AMZ1: variants seen among roughly 807,000 people sequenced by gnomAD.
AMZ1 encodes the protein archaelysin family metallopeptidase 1.
In AMZ1, 39 loss-of-function variants were observed where a neutral mutation model predicts 29.9. The observed-to-expected ratio is 1.30, with a 90% confidence interval of 1.01 to 1.70. AMZ1 has a LOEUF of 1.70. Ranked by LOEUF, AMZ1 falls within the 40% of genes most tolerant of loss-of-function variation. AMZ1 has a pLI of 0.00. For missense variants in AMZ1, 1,041 were observed against 680.6 expected (o/e 1.53, Z -5.89); for synonymous variants, 458 against 304.0 (o/e 1.51, Z -5.27).
In AMZ1 at chr7:2,731,082, A is replaced by C. The variant is rs1475244445; in HGVS notation, n.550+21266A>C. 7 of 792,476 alleles carry C rather than the reference A, an allele frequency of 8.8e-6. 1 individual carries two copies. The highest frequency in any genetic ancestry group is 1.7e-5 in the South Asian group (1 of 58,374). The allele number at this position is 792,476 out of a possible 1,614,324, so 49.1% of individuals were successfully genotyped here. ...CCAGGTATTCCAGGGCACGGATCCG[A>C]GAAACCCACTCAAGGACCACACAGA... On this transcript the variant is annotated intron_variant and non_coding_transcript_variant, in intron 4 of 4. Transcript: ENST00000489665. The surrounding 1 kb of genome is among the most constrained non-coding windows in gnomAD (Gnocchi z 6.0).
At chr7:2,708,473 T>C in intron 3 of AMZ1, 115 bp from the exon 4 acceptor site, 2 of 1,496,286 alleles carry the variant, frequency 1.3e-6, no homozygotes, top group Non-Finnish European at 1.8e-6. Context: ...CACACCTGAC[T>C]TGGGAAGGGG....
At chr7:2,764,814 A>C (rs980650462) in exon 1 of AMZ1, 1 of 152,214 alleles carries the variant, frequency 6.6e-6, no homozygotes, top group Non-Finnish European at 1.5e-5. Context: ...CCTGAAGGGA[A>C]CACTGAGACT....
At chr7:2,689,370 T>TGGC (rs140900828) in intron 1 of AMZ1, among the ~76,000 whole-genome samples, 12 of 149,658 alleles carry the variant, frequency 8.0e-5, no homozygotes, top group South Asian at 2.1e-4. Flanking sequence ...AGAACCTCCC[T>TGGC]GGGGGGGGGA....
chr7:2,753,165 T>C (rs531179879), intron 4 of AMZ1, among the ~76,000 whole-genome samples: 1 of 147,072 alleles, frequency 6.8e-6, no homozygotes, highest in South Asian at 2.2e-4. Flanking sequence ...TTTTTTTTTT[T>C]AAAAAAAGAG....
chr7:2,757,580 C>G (rs1301541964), intron 4 of AMZ1, among the ~76,000 whole-genome samples: 1 of 152,204 alleles, frequency 6.6e-6, no homozygotes, highest in East Asian at 1.9e-4. Flanking sequence ...CTGCGAGGTT[C>G]CGAGCAGAGC....
chr7:2,740,998 T>C (rs912710871), intron 4 of AMZ1, among the ~76,000 whole-genome samples: 1 of 152,138 alleles, frequency 6.6e-6, no homozygotes, highest in Non-Finnish European at 1.5e-5. Context: ...TGAGCTGAGA[T>C]CGGGCCACTG....
chr7:2,700,440 T>C lies in AMZ1; in HGVS notation c.-12T>C, dbSNP rs777943402. 4 of 1,593,372 alleles carry C rather than the reference T, an allele frequency of 2.5e-6. No individual in the cohort carries two copies. In the Admixed American group the frequency reaches 6.7e-5, roughly 27 times the overall value. ...GGGGCTCCCAGGAGTGGCCAGGCCC[T>C]GCCCGCCCACCATGCTGCAGTGTAG... On this transcript the variant is annotated 5_prime_UTR_variant, in exon 2 of 7. Transcript: ENST00000683327.
At chr7:2,738,802 C>T (rs998772862) in intron 4 of AMZ1, among the ~76,000 whole-genome samples, 1 of 152,202 alleles carries the variant, frequency 6.6e-6, no homozygotes, top group African/African-American at 2.4e-5. Flanking sequence ...GAGGCGGAAC[C>T]TAGAATTCTG....
intron 1 of AMZ1, among the ~76,000 whole-genome samples, chr7:2,698,296 G>A (rs929546404): frequency 6.6e-6 from 1 of 152,180 alleles, no homozygotes; most frequent in African/African-American, 2.4e-5. Flanking sequence ...CCAGCACTTT[G>A]GGAGGCAGAG....
rs1789332778 is a variant in AMZ1 at position 2,719,599 on chromosome 7, A to C, written c.*6721A>C. ...AATGACTGATGGACGACTTTGATAT[A>C]CAAAATAAATTGTTACTCAGCTTTT... On this transcript the variant is annotated 3_prime_UTR_variant, in exon 7 of 7. Coordinates refer to ENST00000683327, the MANE Select transcript of AMZ1 (RefSeq NM_001384743.1). Among the ~76,000 whole-genome samples, 1 of 152,264 alleles carries C rather than the reference A, an allele frequency of 6.6e-6. No individual in the cohort carries two copies.
chr7:2,757,747 G>A (rs574030032), intron 4 of AMZ1, among the ~76,000 whole-genome samples: 1 of 152,310 alleles, frequency 6.6e-6, no homozygotes, highest in Admixed American at 6.5e-5. Context: ...AAGCATAAAG[G>A]AAAATGTCAT....
chr7:2,719,581 G>A lies in AMZ1; in HGVS notation c.*6703G>A, dbSNP rs6947814. On this transcript the variant is annotated 3_prime_UTR_variant, in exon 7 of 7. Coordinates refer to ENST00000683327, the MANE Select transcript of AMZ1 (RefSeq NM_001384743.1). The stretch of plus-strand genomic sequence containing the variant: ...TGGAACATTTTATACTGCAATGACT[G>A]ATGGACGACTTTGATATACAAAATA... 1.4e-4 allele frequency among the ~76,000 whole-genome samples: 22 copies of A among 152,346 alleles called. No homozygotes were observed. The highest frequency in any genetic ancestry group is 5.3e-4 in the African/African-American group (22 of 41,570).
chr7:2,751,096 C>T (rs1298063616), intron 4 of AMZ1, among the ~76,000 whole-genome samples: 3 of 152,064 alleles, frequency 2.0e-5, no homozygotes, highest in Non-Finnish European at 4.4e-5. Flanking sequence ...GCTTTACATG[C>T]TTATATTAGG....
rs3074427 is a variant in AMZ1, at chr7:2,759,140, AAAATAAATAAATAAATAAAT to A, written n.551-5540_551-5521del. 6.5e-3 allele frequency among the ~76,000 whole-genome samples: 942 copies of A among 144,756 alleles called. 11 individuals are homozygous for A. The highest frequency in any genetic ancestry group is 0.023 in the African/African-American group (880 of 38,530). The allele number at this position is 144,756 out of a possible 152,430, so 95.0% of individuals were successfully genotyped here. ...GGGCCACAGAGCAAAACACTGTCTC[AAAATAAATAAATAAATAAAT>A]AAATAAATAAATAAATAAATAAATA... On this transcript the variant is annotated intron_variant and non_coding_transcript_variant, in intron 4 of 4. Transcript: ENST00000489665.
chr7:2,759,850 CG>C (rs1349072265), upstream of AMZ1, among the ~76,000 whole-genome samples: 1 of 151,884 alleles, frequency 6.6e-6, no homozygotes, highest in Non-Finnish European at 1.5e-5. Context: ...CCGTCCAATG[CG>C]ATTGTCCGCC....
In AMZ1 at chr7:2,714,222, A is replaced by AG. The variant is rs1267230355; in HGVS notation, c.*1347dup. 1 of 152,390 alleles carries AG rather than the reference A, an allele frequency of 6.6e-6. No homozygotes were observed. The highest frequency in any genetic ancestry group is 2.4e-5 in the African/African-American group (1 of 41,448). The allele number at this position is 152,390 out of a possible 1,614,324, so 9.4% of individuals were successfully genotyped here. On this transcript the variant is annotated 3_prime_UTR_variant, in exon 7 of 7. Coordinates refer to ENST00000683327, the MANE Select transcript of AMZ1 (RefSeq NM_001384743.1). ...CCCTCATCTGGAGAGAGGCAAGAACAGGGCAGCTTGGACCTTTTGTGGGTG... is the reference window on the plus strand; with the variant it reads ...CCCTCATCTGGAGAGAGGCAAGAACAGGGGCAGCTTGGACCTTTTGTGGGTG...
In AMZ1 at chr7:2,712,971, A is replaced by C. The variant is rs577147063; in HGVS notation, c.*93A>C. On this transcript the variant is annotated 3_prime_UTR_variant, in exon 7 of 7. Transcript: ENST00000683327. ...CACTACTGACCTGCCAGGGATAAAG[A>C]GGAAGGGTCTGCCTGGGTGGTGGCT... 1.4e-3 allele frequency: 1,854 copies of C among 1,347,178 alleles called. 2 individuals carry two copies. The highest frequency in any genetic ancestry group is 2.7e-3 in the Admixed American group (84 of 30,844). The allele number at this position is 1,347,178 out of a possible 1,614,324, so 83.5% of individuals were successfully genotyped here.
rs185277352 is a variant in AMZ1, at chr7:2,718,561, T to G, written c.*5683T>G. On this transcript the variant is annotated 3_prime_UTR_variant, in exon 7 of 7. Coordinates refer to ENST00000683327, the MANE Select transcript of AMZ1 (RefSeq NM_001384743.1). ...TCACCTGGCACGTGGACGAAGGTGATGAGCGCGGCTGACGGCTCCCGGGGG... is the reference window on the plus strand; with the variant it reads ...TCACCTGGCACGTGGACGAAGGTGAGGAGCGCGGCTGACGGCTCCCGGGGG... 7.9e-5 allele frequency among the ~76,000 whole-genome samples: 12 copies of G among 152,322 alleles called. No homozygotes were observed. The highest frequency in any genetic ancestry group is 2.9e-4 in the African/African-American group (12 of 41,580).
intron 3 of AMZ1, 61 bp downstream of exon 3, chr7:2,702,950 G>A (rs1788145998): frequency 1.3e-6 from 2 of 1,502,970 alleles, no homozygotes; most frequent in Middle Eastern, 1.7e-4. Flanking sequence ...AGGAAGAGGT[G>A]GGAGGAAGGC....
Sources: allele counts gnomAD v4.1 joint callset (sites outside exome capture counted in the v4.1 genomes callset), GRCh38; gene constraint gnomAD v4.1.1; non-coding constraint Gnocchi (gnomAD v3.1); transcripts MANE v1.5; gene names NCBI Gene and HGNC (gene_info 2026-07-23, HGNC 2026-07-21).